MPPED2: variants seen among roughly 807,000 people sequenced by gnomAD.
MPPED2 encodes metallophosphoesterase domain containing 2, also known as metallophosphoesterase MPPED2.
Under a neutral mutation model 33.0 loss-of-function variants are expected in MPPED2, and 5 were observed. The ratio of observed to expected loss-of-function variants is 0.15; its 90% CI spans 0.08 to 0.32. The LOEUF (loss-of-function observed/expected upper bound fraction) is 0.32. Among genes scored for constraint, MPPED2 ranks in the 10% least tolerant of loss-of-function variants. MPPED2 has a pLI of 1.00. For synonymous variants in MPPED2, 136 were observed against 141.9 expected, an observed-to-expected ratio of 0.96 and a Z score of 0.29; for missense variants, 275 against 372.1, an observed-to-expected ratio of 0.74 and a Z score of 2.15.
intron 3 of MPPED2, chr11:30,501,769 A>G (rs1211342743): frequency 5.6e-6 from 1 of 179,066 alleles, no homozygotes; most frequent in Non-Finnish European, 1.1e-5. Context: ...TGTCTGATGA[A>G]CTCTATAACA....
chr11:30,545,572 C>G (rs1019774284), intron 2 of MPPED2, among the ~76,000 whole-genome samples: 1 of 152,098 alleles, frequency 6.6e-6, no homozygotes, highest in Non-Finnish European at 1.5e-5. Context: ...GAAATGGCAG[C>G]AGTTTTCATT....
intron 1 of MPPED2, among the ~76,000 whole-genome samples, chr11:30,585,278 C>T (rs746718609): frequency 5.3e-5 from 8 of 152,124 alleles, no homozygotes; most frequent in Non-Finnish European, 8.8e-5. Context: ...CTTGGGTCGC[C>T]GGGTCGCTCC....
At chr11:30,454,106 T>C (rs1950178268) in intron 4 of MPPED2, among the ~76,000 whole-genome samples, 1 of 152,208 alleles carries the variant, frequency 6.6e-6, no homozygotes, top group Admixed American at 6.5e-5. Context: ...GGGGCTTCTT[T>C]TTACCTTGGC....
intron 4 of MPPED2, among the ~76,000 whole-genome samples, chr11:30,485,425 A>AATAACGTGTAACATTTACACGTTACAC (rs1554979468): frequency 8.7e-5 from 12 of 138,340 alleles, no homozygotes; most frequent in Non-Finnish European, 1.6e-4. Context: ...TAACAAGGTA[A>AATAACGTGTAACATTTACACGTTACAC]ATAACATGTG....
At chr11:30,506,320 A>G (rs146398360) in intron 3 of MPPED2, among the ~76,000 whole-genome samples, 3,243 of 152,304 alleles carry the variant, frequency 0.021, 105 homozygotes, top group African/African-American at 0.074. Context: ...CTGGGATTAC[A>G]GGCATGAGCC....
intron 2 of MPPED2, among the ~76,000 whole-genome samples, chr11:30,548,778 C>A (rs1955564227): frequency 6.6e-6 from 1 of 152,152 alleles, no homozygotes; most frequent in South Asian, 2.1e-4. Flanking sequence ...AAAGGATCAA[C>A]AAAGGTGAGT....
chr11:30,447,270 G>C (rs1238067035), intron 4 of MPPED2, among the ~76,000 whole-genome samples: 1 of 152,152 alleles, frequency 6.6e-6, no homozygotes, highest in African/African-American at 2.4e-5. Context: ...ACTTCCGACA[G>C]TCTGATTTGA....
chr11:30,432,168 C>CA lies in MPPED2; in HGVS notation c.537-14536dup, dbSNP rs34934978. On this transcript the variant is annotated intron_variant, in intron 4 of 6. Transcript: ENST00000358117. ...TGGGGGATAGAGCAGGATTCTGTCTCAAAAAAAAAAAAAAAATCCAATTTA... is the reference window on the plus strand; with the variant it reads ...TGGGGGATAGAGCAGGATTCTGTCTCAAAAAAAAAAAAAAAAATCCAATTTA... Among the ~76,000 whole-genome samples the CA allele has an allele frequency of 8.2e-3, 1,160 of 142,066 alleles. 8 individuals are homozygous for CA. Among genetic ancestry groups the CA allele is most frequent in the African/African-American group, 0.019 (728 of 39,252 alleles). The allele number at this position is 142,066 out of a possible 152,430, so 93.2% of individuals were successfully genotyped here. A position where few individuals can be genotyped will look rare whatever the true frequency, so the allele number is the denominator to read the frequency against.
chr11:30,391,813 C>T (rs1947780769), intron 6 of MPPED2, among the ~76,000 whole-genome samples: 1 of 152,182 alleles, frequency 6.6e-6, no homozygotes, highest in Non-Finnish European at 1.5e-5. Flanking sequence ...TCCCCAGTTA[C>T]CTTCACATCT....
chr11:30,538,167 T>C (rs1297174430), intron 2 of MPPED2, among the ~76,000 whole-genome samples: 2 of 152,170 alleles, frequency 1.3e-5, no homozygotes, highest in Non-Finnish European at 2.9e-5. Context: ...ACTACATCTC[T>C]AAATATATGA....
chr11:30,494,883 A>T (rs1952182008), intron 4 of MPPED2, among the ~76,000 whole-genome samples: 1 of 152,148 alleles, frequency 6.6e-6, no homozygotes, highest in Non-Finnish European at 1.5e-5. Flanking sequence ...GATTTATATC[A>T]TATTTACATT....
intron 3 of MPPED2, among the ~76,000 whole-genome samples, chr11:30,533,130 A>G (rs1954619075): frequency 6.6e-6 from 1 of 152,224 alleles, no homozygotes; most frequent in Non-Finnish European, 1.5e-5. Context: ...TGACAAAGGA[A>G]AAGGGCTCAC....
At chr11:30,479,660 A>T (rs1951390085) in intron 4 of MPPED2, among the ~76,000 whole-genome samples, 1 of 151,936 alleles carries the variant, frequency 6.6e-6, no homozygotes. Context: ...ATACCATTTG[A>T]TTTTCTTTCC....
intron 4 of MPPED2, among the ~76,000 whole-genome samples, chr11:30,493,055 T>C (rs1309902569): frequency 1.3e-5 from 2 of 152,166 alleles, no homozygotes; most frequent in Admixed American, 1.3e-4. Context: ...TTTAAACAGA[T>C]ATGTACTTCC....
intron 4 of MPPED2, among the ~76,000 whole-genome samples, chr11:30,427,112 G>C (rs1035132042): frequency 2.6e-5 from 4 of 152,150 alleles, no homozygotes; most frequent in Non-Finnish European, 5.9e-5. Context: ...GACATGTCAC[G>C]GCAACCAGGC....
intron 4 of MPPED2, among the ~76,000 whole-genome samples, chr11:30,436,815 G>A (rs1410569493): frequency 2.0e-5 from 3 of 152,188 alleles, no homozygotes; most frequent in Non-Finnish European, 4.4e-5. Context: ...GAGTAATGGA[G>A]GAGATTTCAT....
downstream of MPPED2, among the ~76,000 whole-genome samples, chr11:30,408,021 A>G (rs532337930): frequency 7.9e-5 from 12 of 152,214 alleles, no homozygotes; most frequent in Non-Finnish European, 1.6e-4. Context: ...TAGATGTCAG[A>G]CAGTGATCTC....
At chr11:30,478,698 A>C (rs1951334655) in intron 4 of MPPED2, among the ~76,000 whole-genome samples, 1 of 152,208 alleles carries the variant, frequency 6.6e-6, no homozygotes, top group African/African-American at 2.4e-5. Context: ...GAGACGCTGT[A>C]GTCACAGGGT....
intron 6 of MPPED2, among the ~76,000 whole-genome samples, chr11:30,412,779 A>T (rs537470703): frequency 2.6e-5 from 4 of 152,276 alleles, no homozygotes; most frequent in Admixed American, 2.6e-4. Context: ...CTTTTAGGCA[A>T]GTTTATTATT....
Sources: gnomAD v4.1 joint callset for allele counts (sites outside exome capture counted in the v4.1 genomes callset) on GRCh38, gnomAD v4.1.1 for gene constraint, MANE v1.5 for transcripts, NCBI Gene and HGNC (gene_info 2026-07-23, HGNC 2026-07-21) for gene names.